The following ETNK1 variants were observed in gnomAD, a reference collection of about 807,000 sequenced individuals.
ETNK1 encodes putative protein product of Nbla10396.
A neutral mutation model predicts 45.1 loss-of-function variants in ETNK1; 8 were observed. The ratio of observed to expected loss-of-function variants is 0.18; its 90% CI spans 0.10 to 0.32. The LOEUF is 0.32. ETNK1 is among the 10% of genes least tolerant of loss of function. The pLI is 1.00. For synonymous variants in ETNK1, 152 were observed against 151.9 expected, an observed-to-expected ratio of 1.00 and a Z score of -0.01; for missense variants, 302 against 430.6, an observed-to-expected ratio of 0.70 and a Z score of 2.64.
At chr12:22,648,284 G>A (rs1953832489) in intron 2 of ETNK1, among the ~76,000 whole-genome samples, 2 of 151,872 alleles carry the variant, frequency 1.3e-5, no homozygotes, top group African/African-American at 2.4e-5. Flanking sequence ...GTGGGTTTGG[G>A]CAAATATATA....
intron 4 of ETNK1, among the ~76,000 whole-genome samples, chr12:22,669,592 G>A (rs957390802): frequency 2.0e-4 from 30 of 152,066 alleles, no homozygotes; most frequent in African/African-American, 7.0e-4. Context: ...TATCATGATG[G>A]TTGTCTTCAC....
At chr12:22,639,387 G>A (rs1022976347) in intron 1 of ETNK1, among the ~76,000 whole-genome samples, 7 of 151,858 alleles carry the variant, frequency 4.6e-5, no homozygotes, top group African/African-American at 1.2e-4. Flanking sequence ...TTAAGAATAG[G>A]AAGATCTGGC....
intron 2 of ETNK1, among the ~76,000 whole-genome samples, chr12:22,654,096 C>G (rs1953911401): frequency 6.6e-6 from 1 of 152,116 alleles, no homozygotes; most frequent in Admixed American, 6.5e-5. Flanking sequence ...CATTAATGCC[C>G]TTATAAAAGA....
chr12:22,660,278 A>G (rs905574943), intron 3 of ETNK1, among the ~76,000 whole-genome samples: 4 of 152,144 alleles, frequency 2.6e-5, no homozygotes, highest in Non-Finnish European at 4.4e-5. Context: ...CATGACTTAA[A>G]GTATTAAGGG....
At chr12:22,683,323 C>T (rs1274157165) in intron 6 of ETNK1, among the ~76,000 whole-genome samples, 1 of 151,564 alleles carries the variant, frequency 6.6e-6, no homozygotes, top group Non-Finnish European at 1.5e-5. Flanking sequence ...CAGTGGCATG[C>T]TCCTCACTGC....
rs151231405 is a variant in ETNK1 at position 22,666,033 on chromosome 12, T to C, written c.700+4828T>C. Among the ~76,000 whole-genome samples, 322 of 152,268 alleles carry C rather than the reference T, an allele frequency of 2.1e-3. 1 individual carries two copies. Among genetic ancestry groups the C allele is most frequent in the African/African-American group, 7.4e-3 (308 of 41,540 alleles). The stretch of plus-strand genomic sequence containing the variant: ...CACATACTATGAGCACCCTGCAGTT[T>C]GTAGGCATTTTTACATGCGAATGTT... On this transcript the variant is annotated intron_variant, in intron 4 of 7. Coordinates refer to ENST00000266517, the MANE Select transcript of ETNK1 (RefSeq NM_018638.5).
At position 22,684,935 on chromosome 12, in the gene ETNK1, C is replaced by T. The variant is rs1184324525; in HGVS notation, c.1073C>T (p.Ala358Val). 6.2e-7 allele frequency: 1 copy of T among 1,606,470 alleles called. No homozygotes were observed. Among genetic ancestry groups the T allele is most frequent in the Non-Finnish European group, 8.5e-7 (1 of 1,176,560 alleles). The stretch of plus-strand genomic sequence containing the variant: ...TTTAAAATGAAGCCTGAGGTTACTG[C>T]ATTAAAAGTGCCTGAGTAAAGAAGA... Reference protein sequence around the residue: ...QYFKMKPEVTALKVPE With the variant: ...QYFKMKPEVTVLKVPE The change falls in exon 8 of 8, where the codon GCA (alanine) becomes GTA (valine). Residue 358 changes from alanine to valine, a missense_variant. By Grantham distance (64) the Ala-to-Val change is moderately conservative. Transcript: ENST00000266517.
intron 6 of ETNK1, among the ~76,000 whole-genome samples, chr12:22,676,350 A>C (rs1457830797): frequency 6.6e-6 from 1 of 151,950 alleles, no homozygotes; most frequent in Non-Finnish European, 1.5e-5. Context: ...ATCGTTTTTG[A>C]TGGCTGTTTA....
At chr12:22,635,560 C>T (rs1298664049) in intron 1 of ETNK1, among the ~76,000 whole-genome samples, 1 of 152,170 alleles carries the variant, frequency 6.6e-6, no homozygotes, top group Non-Finnish European at 1.5e-5. Flanking sequence ...TGACAGATAC[C>T]ACTTGCTTGA....
Position 22,650,507 on chromosome 12 carries a change from A to G in ETNK1, c.416+6485A>G, listed in dbSNP as rs118092197. Among the ~76,000 whole-genome samples the G allele has an allele frequency of 2.7e-3, 416 of 152,102 alleles. 3 individuals are homozygous for G. Among genetic ancestry groups the G allele is most frequent in the Admixed American group, 6.4e-3 (98 of 15,272 alleles). On this transcript the variant is annotated intron_variant, in intron 2 of 7. Coordinates refer to ENST00000266517, the MANE Select transcript of ETNK1 (RefSeq NM_018638.5). ...GATAATGAGTGCTAGATTTTGCAAA[A>G]TGCTTTTTCTGCACATGTCGATAGG...
intron 6 of ETNK1, chr12:22,682,429 C>T (rs1954222712): frequency 3.9e-6 from 1 of 256,474 alleles, no homozygotes; most frequent in African/African-American, 2.3e-5. Flanking sequence ...GTATATTAGT[C>T]ATTTTTTTCA....
rs1265178879 is a variant in ETNK1 at position 22,684,667 on chromosome 12, T to G, written c.1019+111T>G. ...TTTGCAATCAATTATAAAAGTTGTA[T>G]ACACTTAGTAATTGGTCTGTGAAGA... On this transcript the variant is annotated intron_variant, in intron 7 of 7. Coordinates refer to ENST00000266517, the MANE Select transcript of ETNK1 (RefSeq NM_018638.5). The G allele has an allele frequency of 6.0e-6, 5 of 827,878 alleles. No homozygotes were observed. In the African/African-American group the frequency reaches 6.9e-5, roughly 11 times the overall value. The allele number at this position is 827,878 out of a possible 1,614,324, so 51.3% of individuals were successfully genotyped here.
In ETNK1 at chr12:22,687,419, G is replaced by A. The variant is rs1018247857; in HGVS notation, c.*2465G>A. ...AATGCCTTACCTAATAACTCAACTA[G>A]TAGTAAGCTCATTTTGTAAATATGA... On this transcript the variant is annotated 3_prime_UTR_variant, in exon 8 of 8. Coordinates refer to ENST00000266517, the MANE Select transcript of ETNK1 (RefSeq NM_018638.5). The A allele has an allele frequency of 6.6e-6, 1 of 152,272 alleles. No homozygotes were observed. The highest frequency in any genetic ancestry group is 1.5e-5 in the Non-Finnish European group (1 of 67,818). The allele number at this position is 152,272 out of a possible 1,614,324, so 9.4% of individuals were successfully genotyped here.
intron 4 of ETNK1, among the ~76,000 whole-genome samples, chr12:22,661,765 C>G (rs1954001607): frequency 2.0e-5 from 3 of 152,120 alleles, no homozygotes; most frequent in African/African-American, 7.2e-5. Flanking sequence ...CTAAAGTAAT[C>G]AAGAAACCTT....
rs1261327012 is a variant in ETNK1 at position 22,625,295 on chromosome 12, C to T, written c.-136C>T. ...CCTCCAGACGTTCTCCTGCCGCTCG[C>T]CCGCCCGTCCCAGCGCCCCCAGCCC... On this transcript the variant is annotated 5_prime_UTR_variant, in exon 1 of 8. Transcript: ENST00000266517. 2 of 1,607,200 alleles carry T rather than the reference C, an allele frequency of 1.2e-6. No individual in the cohort carries two copies. Among genetic ancestry groups the T allele is most frequent in the African/African-American group, 2.7e-5 (2 of 74,972 alleles).
At chr12:22,656,450 G>T in intron 2 of ETNK1, 6 of 985,396 alleles carry the variant, frequency 6.1e-6, no homozygotes, top group Non-Finnish European at 7.2e-6. Context: ...AGCAGAAACG[G>T]CTTAGTTCTA....
chr12:22,669,917 A>G (rs564326864), intron 4 of ETNK1, among the ~76,000 whole-genome samples: 7 of 152,096 alleles, frequency 4.6e-5, no homozygotes, highest in East Asian at 3.8e-4. Flanking sequence ...TACACATTAC[A>G]TTTTTATAAC....
At chr12:22,664,341 T>C (rs924770689) in intron 4 of ETNK1, among the ~76,000 whole-genome samples, 4 of 152,004 alleles carry the variant, frequency 2.6e-5, no homozygotes, top group African/African-American at 4.8e-5. Context: ...TTAACAGATA[T>C]GACATGACGA....
intron 1 of ETNK1, among the ~76,000 whole-genome samples, chr12:22,635,901 ATG>A (rs750494955): frequency 1.8e-4 from 28 of 152,126 alleles, no homozygotes; most frequent in Non-Finnish European, 4.0e-4. Context: ...CTTGAAAAGA[ATG>A]TATGTTCTTG....
Sources: allele counts gnomAD v4.1 joint callset (sites outside exome capture counted in the v4.1 genomes callset), GRCh38; gene constraint gnomAD v4.1.1; transcripts MANE v1.5; gene names NCBI Gene and HGNC (gene_info 2026-07-23, HGNC 2026-07-21).